Variants in ELF2 observed in about 807,000 individuals in gnomAD.
ELF2 encodes the protein ETS-related transcription factor Elf-2.
A neutral mutation model predicts 54.8 loss-of-function variants in ELF2; 11 were observed. The observed-to-expected ratio is 0.20, with a 90% CI of 0.13 to 0.33. The LOEUF is 0.33. Ranked by LOEUF, ELF2 falls within the 10% of genes least tolerant of loss-of-function variation. The pLI is 1.00. For synonymous variants in ELF2, 203 were observed against 245.1 expected (o/e 0.83, Z 1.61); for missense variants, 513 against 703.0 (o/e 0.73, Z 3.06).
chr4:139,080,391 T>C (rs1730935747), intron 4 of ELF2, among the ~76,000 whole-genome samples: 1 of 152,202 alleles, frequency 6.6e-6, no homozygotes, highest in South Asian at 2.1e-4. Context: ...TAATTTTTTT[T>C]CAATTTGATC....
At chr4:139,161,792 G>A (rs1337776282) in intron 1 of ELF2, among the ~76,000 whole-genome samples, 2 of 151,184 alleles carry the variant, frequency 1.3e-5, no homozygotes, top group African/African-American at 4.9e-5. Context: ...CCAACATGGA[G>A]AAACCCCGTC....
chr4:139,160,323 A>C (rs1459858713), intron 1 of ELF2, among the ~76,000 whole-genome samples: 1 of 152,110 alleles, frequency 6.6e-6, no homozygotes, highest in Non-Finnish European at 1.5e-5. Flanking sequence ...TACTATGTTA[A>C]CTCTTTTCTG....
At chr4:139,172,606 A>G (rs947505960) in intron 1 of ELF2, among the ~76,000 whole-genome samples, 7 of 152,204 alleles carry the variant, frequency 4.6e-5, no homozygotes, top group Non-Finnish European at 7.3e-5. Context: ...GCTGTAAAAT[A>G]CTTATTTTAA....
chr4:139,115,489 C>G lies in ELF2; in HGVS notation c.238+9675G>C, dbSNP rs528893464. On this transcript the variant is annotated intron_variant, in intron 4 of 9. Transcript: ENST00000686138. Reference sequence around the variant, plus strand: ...CGGCGAGGGCAGCGGCGGGGGTGCCCGAGGGCAGCTGCAGCATGCGGAGCC... The same window carrying G: ...CGGCGAGGGCAGCGGCGGGGGTGCCGGAGGGCAGCTGCAGCATGCGGAGCC... 6.8e-4 allele frequency: 512 copies of G among 753,934 alleles called. 2 individuals carry two copies. The African/African-American group carries it at 8.9e-3, about 13-fold the overall frequency. 46.7% of individuals were successfully genotyped at this position (753,934 alleles called of 1,614,324 possible).
intron 3 of ELF2, 125 bp downstream of exon 3, chr4:139,137,505 T>C (rs1165374214): frequency 6.4e-6 from 6 of 941,018 alleles, no homozygotes; most frequent in South Asian, 1.5e-5. Flanking sequence ...ATACACGACA[T>C]GTACATGTAT....
intron 1 of ELF2, among the ~76,000 whole-genome samples, chr4:139,163,784 T>C (rs1417998182): frequency 6.6e-6 from 1 of 151,960 alleles, no homozygotes; most frequent in Admixed American, 6.6e-5. Flanking sequence ...CACACTGGCA[T>C]GTGCCTGTAG....
intron 4 of ELF2, among the ~76,000 whole-genome samples, chr4:139,084,992 A>G (rs1731815431): frequency 6.6e-6 from 1 of 152,090 alleles, no homozygotes; most frequent in African/African-American, 2.4e-5. Flanking sequence ...GAACACACCA[A>G]CCTCTGGAGA....
chr4:139,107,323 T>G (rs1275549080), intron 4 of ELF2, among the ~76,000 whole-genome samples: 2 of 152,160 alleles, frequency 1.3e-5, no homozygotes, highest in African/African-American at 4.8e-5. Context: ...AAATAGACAT[T>G]CACAGACAAC....
rs375094673 is a variant in ELF2 at position 139,059,482 on chromosome 4, G to A, written c.1283C>T (p.Ala428Val). ...CTGAATGACTACCTTTGGAGAGGTC[G>A]CTGTTGTTGGACTAGTGCTGGTTAT... ...PLITSTSPTT[A>V]TSPKVVIQTI... is the part of the protein sequence containing the mutation. The change falls in exon 10 of 10, where the codon GCG becomes GTG. Residue 428 changes from alanine to valine, a missense_variant. Transcript: ENST00000686138. 29 of 1,613,800 alleles carry A rather than the reference G, an allele frequency of 1.8e-5. 1 individual carries two copies. Among genetic ancestry groups the A allele is most frequent in the Middle Eastern group, 1.6e-4 (1 of 6,078 alleles).
intron 4 of ELF2, among the ~76,000 whole-genome samples, chr4:139,110,031 T>C (rs1012400189): frequency 6.6e-6 from 1 of 152,224 alleles, no homozygotes; most frequent in Non-Finnish European, 1.5e-5. Context: ...ATTAATATTG[T>C]ATATTAGAAA....
intron 4 of ELF2, among the ~76,000 whole-genome samples, chr4:139,080,483 T>C (rs553284558): frequency 5.9e-5 from 9 of 152,192 alleles, no homozygotes; most frequent in East Asian, 1.9e-4. Context: ...TTTAATAAAA[T>C]AGATTTGTTT....
intron 4 of ELF2, among the ~76,000 whole-genome samples, chr4:139,075,426 G>A (rs541729949): frequency 1.1e-4 from 16 of 151,890 alleles, no homozygotes; most frequent in East Asian, 5.8e-4. Flanking sequence ...GCAGACATGC[G>A]GATTTTTATT....
chr4:139,161,345 T>G (rs1578963952), intron 1 of ELF2, among the ~76,000 whole-genome samples: 1 of 152,306 alleles, frequency 6.6e-6, no homozygotes, highest in East Asian at 1.9e-4. Flanking sequence ...TAGAATTTGT[T>G]TCTGCTAAAT....
At chr4:139,111,725 A>G (rs72949643) in intron 4 of ELF2, among the ~76,000 whole-genome samples, 2,252 of 152,256 alleles carry the variant, frequency 0.015, 62 homozygotes, top group African/African-American at 0.051. Flanking sequence ...TCCTGAAACA[A>G]CACCGTACAA....
Position 139,125,337 on chromosome 4 carries a change from A to G in ELF2, c.73-8T>C. 6.2e-7 allele frequency: 1 copy of G among 1,601,144 alleles called. No homozygotes were observed. Among genetic ancestry groups the G allele is most frequent in the Non-Finnish European group, 8.5e-7 (1 of 1,177,150 alleles). On this transcript the variant is annotated splice_polypyrimidine_tract_variant and splice_region_variant and intron_variant, in intron 3 of 9. Coordinates refer to ENST00000686138, the MANE Select transcript of ELF2 (RefSeq NM_001331036.3). ...AGAAACCTTTTCACTTTCCTATAAG[A>G]GCAAATTTAAAGAACAATCAACCTT...
At chr4:139,084,203 G>C (rs749497627) in intron 4 of ELF2, 1 of 1,612,862 alleles carries the variant, frequency 6.2e-7, no homozygotes, top group African/African-American at 1.3e-5. Context: ...TTATCCCGGG[G>C]CTGGAGCTGC....
At chr4:139,142,790 T>G (rs1248072176) in intron 1 of ELF2, among the ~76,000 whole-genome samples, 1 of 151,636 alleles carries the variant, frequency 6.6e-6, no homozygotes, top group Non-Finnish European at 1.5e-5. Flanking sequence ...CTCGGGACGC[T>G]GGGCAGGTTG....
At chr4:139,082,583 A>G (rs906575822) in intron 4 of ELF2, among the ~76,000 whole-genome samples, 3 of 152,196 alleles carry the variant, frequency 2.0e-5, no homozygotes, top group South Asian at 2.1e-4. Flanking sequence ...TTGAACCTAG[A>G]GCGCTTCCGT....
At chr4:139,149,175 G>A (rs1270905269) in intron 1 of ELF2, among the ~76,000 whole-genome samples, 5 of 152,130 alleles carry the variant, frequency 3.3e-5, no homozygotes, top group African/African-American at 7.2e-5. Context: ...GATGTATCAC[G>A]TAAAATATAC....
Sources: gnomAD v4.1 joint callset for allele counts (sites outside exome capture counted in the v4.1 genomes callset) on GRCh38, gnomAD v4.1.1 for gene constraint, MANE v1.5 for transcripts, NCBI Gene and HGNC (gene_info 2026-07-23, HGNC 2026-07-21) for gene names.